PDE3A: variants seen among roughly 807,000 people sequenced by gnomAD.
The protein encoded by PDE3A is phosphodiesterase 3A, also known as cGMP-inhibited 3',5'-cyclic phosphodiesterase 3A.
PDE3A carries 43 observed loss-of-function variants against 98.3 expected under a neutral mutation model. The observed-to-expected ratio is 0.44, with a 90% CI of 0.34 to 0.56. The LOEUF (loss-of-function observed/expected upper bound fraction) is 0.56. Ranked by LOEUF, PDE3A falls within the 20% of genes least tolerant of loss-of-function variation. The pLI is 0.01. For synonymous variants in PDE3A, 663 were observed against 567.9 expected (o/e 1.17, Z -2.38); for missense variants, 1,427 against 1,440.7 (o/e 0.99, Z 0.15).
rs554113602 is a variant in PDE3A, at chr12:20,635,003, C to G, written c.1948C>G (p.Leu650Val). The G allele has an allele frequency of 2.5e-6, 4 of 1,613,770 alleles. No homozygotes were observed. The highest frequency in any genetic ancestry group is 2.2e-5 in the East Asian group (1 of 44,848). Reference sequence around the variant, plus strand: ...TGAAACAGAGTGCCTGAGAGAGCCTCTGAGGAAAGCATCGGCTTGCAGCAC... The same window carrying G: ...TGAAACAGAGTGCCTGAGAGAGCCTGTGAGGAAAGCATCGGCTTGCAGCAC... ...EDETECLREP[L>V]RKASACSTYA... The change falls in exon 8 of 16, where the codon CTG becomes GTG. Residue 650 changes from leucine to valine, a missense_variant. Around this residue, in one of 3 missense-constraint regions of PDE3A, gnomAD observed 1,012 missense variants for 886.5 expected, o/e 1.14. Coordinates refer to ENST00000359062, the MANE Select transcript of PDE3A (RefSeq NM_000921.5).
chr12:20,425,960 C>T (rs1944595379), intron 1 of PDE3A, among the ~76,000 whole-genome samples: 1 of 152,096 alleles, frequency 6.6e-6, no homozygotes, highest in Non-Finnish European at 1.5e-5. Flanking sequence ...ACACCTATTT[C>T]ATAGAATTGT....
At chr12:20,544,881 A>G (rs550264626) in intron 1 of PDE3A, among the ~76,000 whole-genome samples, 2 of 152,126 alleles carry the variant, frequency 1.3e-5, no homozygotes, top group East Asian at 3.9e-4. Context: ...TTGAAACAAA[A>G]AAGTTTCTAT....
chr12:20,658,383 TAA>T (rs528574399), intron 15 of PDE3A, among the ~76,000 whole-genome samples: 1 of 150,542 alleles, frequency 6.6e-6, no homozygotes, highest in Non-Finnish European at 1.5e-5. Flanking sequence ...CCAGGTCCTT[TAA>T]AAAAAAAATT....
chr12:20,587,354 G>C (rs968260528), intron 2 of PDE3A, among the ~76,000 whole-genome samples: 2 of 152,080 alleles, frequency 1.3e-5, no homozygotes, highest in African/African-American at 4.8e-5. Flanking sequence ...GGGCGACAGA[G>C]CAAGACTCCA....
intron 1 of PDE3A, among the ~76,000 whole-genome samples, chr12:20,542,347 T>C (rs1375267754): frequency 1.3e-5 from 2 of 152,026 alleles, no homozygotes; most frequent in Admixed American, 6.6e-5. Flanking sequence ...AAATTACCTA[T>C]TTATCAATTT....
chr12:20,371,355 A>G (rs780552174), intron 1 of PDE3A: 1 of 985,112 alleles, frequency 1.0e-6, no homozygotes, highest in South Asian at 4.7e-5. Flanking sequence ...TTGACACTTG[A>G]TGGGGAGGAG....
intron 15 of PDE3A, among the ~76,000 whole-genome samples, chr12:20,668,407 A>G (rs1285972885): frequency 1.3e-5 from 2 of 152,122 alleles, no homozygotes; most frequent in African/African-American, 4.8e-5. Flanking sequence ...GGCACAGACA[A>G]ACAAAAAGAC....
At chr12:20,387,100 T>A (rs1315337891) in intron 1 of PDE3A, among the ~76,000 whole-genome samples, 1 of 152,052 alleles carries the variant, frequency 6.6e-6, no homozygotes, top group Non-Finnish European at 1.5e-5. Flanking sequence ...CAGTCATATT[T>A]CTGAGTTCTG....
At chr12:20,630,409 T>C (rs1342397485) in intron 6 of PDE3A, among the ~76,000 whole-genome samples, 1 of 152,198 alleles carries the variant, frequency 6.6e-6, no homozygotes, top group African/African-American at 2.4e-5. Context: ...ATGGGGAATA[T>C]AGAAAATATA....
In PDE3A at chr12:20,680,508, GAATA is replaced by G; in HGVS notation, c.*238_*241del. The G allele has an allele frequency of 2.0e-6, 1 of 496,550 alleles. No homozygotes were observed. Among genetic ancestry groups the G allele is most frequent in the Non-Finnish European group, 3.7e-6 (1 of 273,078 alleles). 30.8% of individuals were successfully genotyped at this position (496,550 alleles called of 1,614,324 possible). ...AGCTTCTAAGGATTTTTTAAGGAGG[GAATA>G]TATATGTGTGTGTGTATATAAGCTC... On this transcript the variant is annotated 3_prime_UTR_variant, in exon 16 of 16. Transcript: ENST00000359062.
chr12:20,672,575 C>T (rs1945515045), intron 15 of PDE3A, among the ~76,000 whole-genome samples: 1 of 148,574 alleles, frequency 6.7e-6, no homozygotes, highest in Non-Finnish European at 1.5e-5. Flanking sequence ...CTTTGACAAA[C>T]CTGAGAAAAA....
intron 2 of PDE3A, among the ~76,000 whole-genome samples, chr12:20,575,491 T>G (rs531158436): frequency 2.9e-4 from 44 of 152,048 alleles, no homozygotes; most frequent in Non-Finnish European, 5.3e-4. Flanking sequence ...TGCAACTTGG[T>G]TTTGATGTAC....
At chr12:20,572,303 T>C (rs868176429) in intron 2 of PDE3A, 2 of 269,582 alleles carry the variant, frequency 7.4e-6, no homozygotes, top group Non-Finnish European at 1.4e-5. Context: ...CTCAGTGTAT[T>C]TATTAAATGT....
At position 20,370,080 on chromosome 12, in the gene PDE3A, G is replaced by A; in HGVS notation, c.796G>A (p.Ala266Thr). 6.2e-7 allele frequency: 1 copy of A among 1,613,062 alleles called. No individual in the cohort carries two copies. ...EQILPQSAEA[A>T]PREHLGSQLI... ...AATCTTGCCGCAGTCCGCGGAGGCG[G>A]CTCCAAGGGAGCATTTGGGGTCCCA... Residue 266 changes from alanine (A) to threonine (T), a missense_variant, in exon 1 of 16, where the codon GCT becomes ACT. Physicochemically the swap from Ala to Thr is moderately conservative, Grantham distance 58. Transcript: ENST00000359062.
chr12:20,369,324 C>T lies in PDE3A; in HGVS notation c.40C>T (p.Pro14Ser). Residue 14 changes from proline (P) to serine (S), a missense_variant, in exon 1 of 16, where the codon CCC becomes TCC. This residue lies in a region of PDE3A where 1,012 missense variants were observed against 886.5 expected (regional missense o/e 1.14). Coordinates refer to ENST00000359062, the MANE Select transcript of PDE3A (RefSeq NM_000921.5). ...PGDAARVRDK[P>S]VHSGVSQAPT... is the part of the protein sequence containing the mutation. ...CGACGCTGCACGAGTCAGGGACAAGCCCGTCCACAGTGGGGTGAGTCAAGC... is the reference window on the plus strand; with the variant it reads ...CGACGCTGCACGAGTCAGGGACAAGTCCGTCCACAGTGGGGTGAGTCAAGC... 2 of 1,546,120 alleles carry T rather than the reference C, an allele frequency of 1.3e-6. No individual in the cohort carries two copies. The highest frequency in any genetic ancestry group is 1.7e-6 in the Non-Finnish European group (2 of 1,144,860).
intron 1 of PDE3A, among the ~76,000 whole-genome samples, chr12:20,534,540 A>T (rs1280005710): frequency 6.6e-6 from 1 of 152,210 alleles, no homozygotes; most frequent in African/African-American, 2.4e-5. Context: ...TCACATTTAT[A>T]CTTTAAGTGC....
chr12:20,685,744 G>T lies in PDE3A; in HGVS notation c.*5473G>T, dbSNP rs1408318865. On this transcript the variant is annotated 3_prime_UTR_variant, in exon 16 of 16. Transcript: ENST00000359062. ...TTCTGCTTCCTTGAAAAGTTGTGGA[G>T]CACAGAAGAAAAGCCTTCTCTTTAC... Among the ~76,000 whole-genome samples, 6 of 152,128 alleles carry T rather than the reference G, an allele frequency of 3.9e-5. No homozygotes were observed. The highest frequency in any genetic ancestry group is 1.4e-4 in the African/African-American group (6 of 41,436).
chr12:20,610,519 A>G (rs1016803846), intron 2 of PDE3A, among the ~76,000 whole-genome samples: 2 of 151,938 alleles, frequency 1.3e-5, no homozygotes, highest in African/African-American at 2.4e-5. Flanking sequence ...ATAGAACTAT[A>G]TGATCCAAAT....
intron 10 of PDE3A, among the ~76,000 whole-genome samples, chr12:20,646,072 T>C (rs1944768703): frequency 6.6e-6 from 1 of 152,216 alleles, no homozygotes; most frequent in Admixed American, 6.5e-5. Flanking sequence ...GTACCATCTA[T>C]CAGAGATGAA....
Sources: gnomAD v4.1 joint callset for allele counts (sites outside exome capture counted in the v4.1 genomes callset) on GRCh38, gnomAD v4.1.1 for gene constraint, gnomAD v4.1.1 regional missense constraint, MANE v1.5 for transcripts, NCBI Gene and HGNC (gene_info 2026-07-23, HGNC 2026-07-21) for gene names.